The following HACD2 variants were observed in gnomAD, a reference collection of about 807,000 sequenced individuals.
HACD2 encodes the protein very-long-chain (3R)-3-hydroxyacyl-CoA dehydratase 2.
A neutral mutation model predicts 31.0 loss-of-function variants in HACD2; 15 were observed. That is an observed-to-expected ratio of 0.48 (90% CI 0.32 to 0.75). The LOEUF (loss-of-function observed/expected upper bound fraction) is 0.75, where lower values mean the gene tolerates loss of function less well. HACD2 is among the 30% of genes least tolerant of loss of function. The pLI, the probability that HACD2 is intolerant of heterozygous loss-of-function variation, is 0.03. For synonymous variants in HACD2, 115 were observed against 122.2 expected (o/e 0.94, Z 0.39); for missense variants, 283 against 313.0 (o/e 0.90, Z 0.72).
rs2055916137 is a variant in HACD2, at chr3:123,502,581, G to A, written c.482C>T (p.Pro161Leu). ...TTACCTGGCCCATTTGATGAGGTAA[G>A]GCAGATGGTTTAATAGACTGAATGT... ...FYTFSLLNHL[P>L]YLIKWARYTL... The change falls in exon 5 of 7, where the codon CCT becomes CTT. Residue 161 changes from proline (P) to leucine (L), a missense_variant. By Grantham distance (98) the Pro-to-Leu change is moderately conservative (BLOSUM62 -3). Around this residue, in one of 3 missense-constraint regions of HACD2, gnomAD observed 85 missense variants for 129.6 expected, o/e 0.66. Transcript: ENST00000383657. 1 of 1,611,918 alleles carries A rather than the reference G, an allele frequency of 6.2e-7. No individual in the cohort carries two copies. Among genetic ancestry groups the A allele is most frequent in the Non-Finnish European group, 8.5e-7 (1 of 1,179,090 alleles).
intron 4 of HACD2, among the ~76,000 whole-genome samples, chr3:123,523,919 C>A (rs1282174185): frequency 1.3e-5 from 2 of 152,248 alleles, no homozygotes; most frequent in African/African-American, 4.8e-5. Context: ...GATTTCAGAT[C>A]TTCCTCTGCT....
At chr3:123,571,285 C>T (rs1350726809) in intron 2 of HACD2, among the ~76,000 whole-genome samples, 2 of 152,226 alleles carry the variant, frequency 1.3e-5, no homozygotes, top group Non-Finnish European at 1.5e-5. Flanking sequence ...TGTTCCTTGG[C>T]TATTCAATCA....
At chr3:123,552,385 A>G (rs1299067926) in intron 3 of HACD2, among the ~76,000 whole-genome samples, 2 of 152,186 alleles carry the variant, frequency 1.3e-5, no homozygotes, top group Non-Finnish European at 2.9e-5. Context: ...TCAGGGTCAT[A>G]TAATTCCTCC....
intron 4 of HACD2, among the ~76,000 whole-genome samples, chr3:123,527,798 G>A (rs2056302680): frequency 6.6e-6 from 1 of 152,218 alleles, no homozygotes; most frequent in South Asian, 2.1e-4. Flanking sequence ...CATGATAAAT[G>A]CTTAGTAAAT....
intron 3 of HACD2, among the ~76,000 whole-genome samples, chr3:123,565,581 A>T (rs928283169): frequency 4.8e-4 from 73 of 152,208 alleles, no homozygotes; most frequent in African/African-American, 1.7e-3. Context: ...GAACTGTGAA[A>T]AATAAATTTT....
At chr3:123,557,862 T>A (rs888471860) in intron 3 of HACD2, among the ~76,000 whole-genome samples, 1 of 152,226 alleles carries the variant, frequency 6.6e-6, no homozygotes, top group African/African-American at 2.4e-5. Flanking sequence ...TTTAGAAGAC[T>A]GTTTGGCAGA....
chr3:123,507,723 A>G (rs914277285), intron 4 of HACD2, among the ~76,000 whole-genome samples: 2 of 152,184 alleles, frequency 1.3e-5, no homozygotes, highest in Admixed American at 1.3e-4. Flanking sequence ...TGTACCCACA[A>G]AAATTTTAAA....
chr3:123,528,397 T>C lies in HACD2; in HGVS notation c.370A>G (p.Ser124Gly). The change falls in exon 4 of 7, where the codon AGC becomes GGC. Residue 124 changes from serine to glycine, a missense_variant. By Grantham distance (56) the Ser-to-Gly change is moderately conservative (BLOSUM62 0). Coordinates refer to ENST00000383657, the MANE Select transcript of HACD2 (RefSeq NM_198402.5). Reference protein sequence around the residue: ...RVFLIWAVTHSVKEVQSEDSV... With the variant: ...RVFLIWAVTHGVKEVQSEDSV... ...ATATAAACACTTACCTCTTTGACGC[T>C]ATGTGTTACTGCCCATATTAGAAAA... 3 of 1,603,544 alleles carry C rather than the reference T, an allele frequency of 1.9e-6. No homozygotes were observed. The highest frequency in any genetic ancestry group is 1.3e-5 in the African/African-American group (1 of 74,834).
chr3:123,512,652 CA>C (rs1256025774), intron 4 of HACD2, among the ~76,000 whole-genome samples: 1 of 152,024 alleles, frequency 6.6e-6, no homozygotes, highest in Non-Finnish European at 1.5e-5. Context: ...GCAAAAAAAT[CA>C]ATATATTAAG....
At chr3:123,551,044 T>C (rs879282584) in intron 3 of HACD2, among the ~76,000 whole-genome samples, 1 of 152,086 alleles carries the variant, frequency 6.6e-6, no homozygotes, top group Non-Finnish European at 1.5e-5. Context: ...TGTCCTCAAG[T>C]AGTCAGGTTT....
intron 4 of HACD2, among the ~76,000 whole-genome samples, chr3:123,518,946 G>A (rs1318827839): frequency 2.1e-5 from 3 of 145,624 alleles, no homozygotes; most frequent in East Asian, 4.1e-4. Flanking sequence ...GCAGTGGGCC[G>A]AGATCGCGTC....
chr3:123,550,727 C>A (rs1038477960), intron 3 of HACD2, among the ~76,000 whole-genome samples: 2 of 152,080 alleles, frequency 1.3e-5, no homozygotes, highest in African/African-American at 4.8e-5. Context: ...GCAGAGGAAC[C>A]ATGTGGAGAT....
At chr3:123,538,597 A>G (rs2107716781) in intron 3 of HACD2, among the ~76,000 whole-genome samples, 1 of 152,332 alleles carries the variant, frequency 6.6e-6, no homozygotes, top group African/African-American at 2.4e-5. Context: ...TGCATACCCA[A>G]AAGATGTAAC....
chr3:123,546,974 A>G (rs2056567233), intron 3 of HACD2, among the ~76,000 whole-genome samples: 1 of 152,192 alleles, frequency 6.6e-6, no homozygotes, highest in Non-Finnish European at 1.5e-5. Flanking sequence ...ATCTAAAAAA[A>G]TTTGCTAGTA....
rs2055890202 is a variant in HACD2, at chr3:123,500,555, G to A, written c.642C>T (p.Tyr214=). ...LPNKYNFSFD[Y]YAFLILIMIS... ...TCATTATTAGAATCAGGAATGCATA[G>A]TAGTCAAAAGAGAAATTGTATTTGT... The change falls in exon 6 of 7, where the codon TAC becomes TAT. Residue 214 remains tyrosine (Y), a synonymous_variant. Transcript: ENST00000383657. 6.2e-7 allele frequency: 1 copy of A among 1,609,698 alleles called. No homozygotes were observed. The highest frequency in any genetic ancestry group is 1.1e-5 in the South Asian group (1 of 90,936).
At chr3:123,549,461 A>C (rs1047017593) in intron 3 of HACD2, among the ~76,000 whole-genome samples, 3 of 152,206 alleles carry the variant, frequency 2.0e-5, no homozygotes. Flanking sequence ...AAGCACCAAG[A>C]TCAGGGCTGG....
chr3:123,544,681 AATT>A (rs1407832378), intron 3 of HACD2, among the ~76,000 whole-genome samples: 3 of 152,172 alleles, frequency 2.0e-5, no homozygotes, highest in Non-Finnish European at 4.4e-5. Context: ...GTTTAAATGG[AATT>A]ATTTATCTAA....
chr3:123,516,228 A>C (rs1450058513), intron 4 of HACD2, among the ~76,000 whole-genome samples: 2 of 125,654 alleles, frequency 1.6e-5, no homozygotes, highest in Non-Finnish European at 3.2e-5. Flanking sequence ...AATAATGTGC[A>C]ACATATTTTT....
chr3:123,511,338 G>A (rs763288290), intron 4 of HACD2, among the ~76,000 whole-genome samples: 1 of 152,004 alleles, frequency 6.6e-6, no homozygotes, highest in Non-Finnish European at 1.5e-5. Context: ...TGGGCTTGGG[G>A]TCTCACATGC....
Sources: allele counts gnomAD v4.1 joint callset (sites outside exome capture counted in the v4.1 genomes callset), GRCh38; gene constraint gnomAD v4.1.1; regional missense constraint gnomAD v4.1.1; transcripts MANE v1.5; gene names NCBI Gene and HGNC (gene_info 2026-07-23, HGNC 2026-07-21).